Variants in FBXL20 observed in about 807,000 individuals in gnomAD.
FBXL20 encodes F-box and leucine rich repeat protein 20.
In FBXL20, 11 loss-of-function variants were observed where a neutral mutation model predicts 64.0. The observed-to-expected ratio is 0.17, with a 90% CI of 0.11 to 0.28. FBXL20 has a LOEUF of 0.28. Ranked by LOEUF, FBXL20 falls within the 10% of genes least tolerant of loss-of-function variation. The probability of loss-of-function intolerance (pLI) is 1.00; values close to 1 mark genes in which losing one functional copy is unlikely to be tolerated. For missense variants in FBXL20, 303 were observed against 526.2 expected (o/e 0.58, Z 4.15); for synonymous variants, 184 against 189.0 (o/e 0.97, Z 0.22).
chr17:39,274,190 T>C (rs1047884521), intron 10 of FBXL20, among the ~76,000 whole-genome samples: 3 of 152,164 alleles, frequency 2.0e-5, no homozygotes, highest in Non-Finnish European at 4.4e-5. Flanking sequence ...TTAGTATTTG[T>C]AAAGCACCTA....
chr17:39,295,903 T>A (rs2047081337), intron 6 of FBXL20, among the ~76,000 whole-genome samples: 1 of 151,950 alleles, frequency 6.6e-6, no homozygotes, highest in Non-Finnish European at 1.5e-5. Flanking sequence ...TCCAGAGTAT[T>A]ATATATAGAT....
At chr17:39,401,087 C>G (rs1311363935) in intron 1 of FBXL20, among the ~76,000 whole-genome samples, 1 of 152,212 alleles carries the variant, frequency 6.6e-6, no homozygotes, top group African/African-American at 2.4e-5. Flanking sequence ...GAAAGCTGAG[C>G]GATCCTGGAG....
intron 2 of FBXL20, among the ~76,000 whole-genome samples, chr17:39,327,184 C>T (rs755411539): frequency 1.3e-5 from 2 of 152,148 alleles, no homozygotes; most frequent in Non-Finnish European, 2.9e-5. Flanking sequence ...CCGCACCCAG[C>T]CCTGTCTTGG....
chr17:39,264,128 A>G lies in FBXL20; in HGVS notation c.1203+47T>C, dbSNP rs777248147. On this transcript the variant is annotated intron_variant, in intron 14 of 14. Coordinates refer to ENST00000264658, the MANE Select transcript of FBXL20 (RefSeq NM_032875.3). ...AAAAAAGGAAAAAAAAAGAGAGAAGAAAGTGCTGCTAACACTAGAGTTGGA... is the reference window on the plus strand; with the variant it reads ...AAAAAAGGAAAAAAAAAGAGAGAAGGAAGTGCTGCTAACACTAGAGTTGGA... The G allele has an allele frequency of 2.1e-5, 32 of 1,559,310 alleles. No individual in the cohort carries two copies. The East Asian group carries it at 3.4e-4, about 17-fold the overall frequency.
chr17:39,399,212 T>C (rs1237863443), intron 1 of FBXL20, among the ~76,000 whole-genome samples: 1 of 124,632 alleles, frequency 8.0e-6, no homozygotes, highest in Non-Finnish European at 1.6e-5. Flanking sequence ...ACAAAAATTC[T>C]CAATGAGATC....
chr17:39,274,875 G>T, intron 10 of FBXL20, 95 bp downstream of exon 10: 1 of 1,534,380 alleles, frequency 6.5e-7, no homozygotes, highest in Non-Finnish European at 8.9e-7. Flanking sequence ...AGCGTCTGCA[G>T]TGCCTACCTT....
intron 1 of FBXL20, among the ~76,000 whole-genome samples, chr17:39,376,949 C>T (rs973760013): frequency 2.0e-5 from 3 of 152,108 alleles, no homozygotes; most frequent in South Asian, 4.1e-4. Context: ...TCCAAGCTGC[C>T]CTTGTTCATT....
intron 1 of FBXL20, among the ~76,000 whole-genome samples, chr17:39,388,938 AC>A (rs1382513336): frequency 6.7e-6 from 1 of 150,248 alleles, no homozygotes; most frequent in African/African-American, 2.4e-5. Flanking sequence ...CCCCATCTCT[AC>A]TAAAAATACA....
At chr17:39,298,141 G>T (rs1228401087) in intron 5 of FBXL20, among the ~76,000 whole-genome samples, 2 of 151,110 alleles carry the variant, frequency 1.3e-5, no homozygotes, top group African/African-American at 4.9e-5. Context: ...TAGAGACAGG[G>T]TCTTCCTCTG....
intron 1 of FBXL20, among the ~76,000 whole-genome samples, chr17:39,398,235 G>C (rs146428118): frequency 6.6e-6 from 1 of 151,934 alleles, no homozygotes; most frequent in African/African-American, 2.4e-5. Context: ...AGCCGAGATC[G>C]CACCATTGCA....
intron 1 of FBXL20, among the ~76,000 whole-genome samples, chr17:39,374,067 C>T (rs530582859): frequency 6.6e-6 from 1 of 151,696 alleles, no homozygotes; most frequent in Non-Finnish European, 1.5e-5. Flanking sequence ...ACTAAAAATA[C>T]AAAAATTAGC....
chr17:39,387,766 T>C (rs938157518), intron 1 of FBXL20, among the ~76,000 whole-genome samples: 3 of 151,840 alleles, frequency 2.0e-5, no homozygotes, highest in African/African-American at 7.3e-5. Flanking sequence ...TTTGTAGAGA[T>C]GAGGTCTCAC....
At chr17:39,349,048 T>A (rs1335569501) in intron 1 of FBXL20, among the ~76,000 whole-genome samples, 1 of 151,716 alleles carries the variant, frequency 6.6e-6, no homozygotes, top group Non-Finnish European at 1.5e-5. Context: ...GGTCATGAGT[T>A]TGAAACCATC....
intron 2 of FBXL20, among the ~76,000 whole-genome samples, chr17:39,327,705 T>G (rs771297525): frequency 6.6e-6 from 1 of 152,136 alleles, no homozygotes; most frequent in Non-Finnish European, 1.5e-5. Context: ...TTTTTTGTTT[T>G]GTTTTGTTTT....
At chr17:39,340,145 G>A (rs1286272479) in intron 2 of FBXL20, among the ~76,000 whole-genome samples, 1 of 152,084 alleles carries the variant, frequency 6.6e-6, no homozygotes, top group Non-Finnish European at 1.5e-5. Context: ...TTGTGAGGCT[G>A]GAGCGCGGTG....
intron 1 of FBXL20, among the ~76,000 whole-genome samples, chr17:39,390,656 G>T (rs975142885): frequency 6.6e-6 from 1 of 152,136 alleles, no homozygotes; most frequent in Non-Finnish European, 1.5e-5. Context: ...GGGCCCCAGA[G>T]GTCAAGGCTG....
At chr17:39,365,471 C>T (rs1038032635) in intron 1 of FBXL20, among the ~76,000 whole-genome samples, 1 of 152,120 alleles carries the variant, frequency 6.6e-6, no homozygotes, top group Non-Finnish European at 1.5e-5. Flanking sequence ...AAAAACATTA[C>T]GGAAGGAATA....
chr17:39,352,550 G>A (rs1053089969), intron 1 of FBXL20, among the ~76,000 whole-genome samples: 7 of 151,646 alleles, frequency 4.6e-5, no homozygotes, highest in African/African-American at 7.3e-5. Context: ...GTGTGGTAGC[G>A]TGCACCTGTA....
intron 2 of FBXL20, among the ~76,000 whole-genome samples, chr17:39,338,227 T>A (rs1469515645): frequency 6.6e-6 from 1 of 152,252 alleles, no homozygotes; most frequent in African/African-American, 2.4e-5. Context: ...CCTGTTGATC[T>A]GTGACCTTAC....
Sources: gnomAD v4.1 joint callset for allele counts (sites outside exome capture counted in the v4.1 genomes callset) on GRCh38, gnomAD v4.1.1 for gene constraint, MANE v1.5 for transcripts, NCBI Gene and HGNC (gene_info 2026-07-23, HGNC 2026-07-21) for gene names.